Variants in PIK3R5 observed in about 807,000 individuals in gnomAD.
PIK3R5 encodes the protein phosphoinositide 3-kinase regulatory subunit 5.
A neutral mutation model predicts 94.9 loss-of-function variants in PIK3R5; 32 were observed. The observed-to-expected ratio is 0.34, with a 90% confidence interval of 0.25 to 0.45. The LOEUF (loss-of-function observed/expected upper bound fraction) is 0.45, where lower values mean the gene tolerates loss of function less well. PIK3R5 is among the 20% of genes least tolerant of loss of function. The probability of loss-of-function intolerance (pLI) is 1.00; values close to 1 mark genes in which losing one functional copy is unlikely to be tolerated. For synonymous variants in PIK3R5, 443 were observed against 479.4 expected, an observed-to-expected ratio of 0.92 and a Z score of 0.99; for missense variants, 853 against 1,144.6, an observed-to-expected ratio of 0.75 and a Z score of 3.68.
chr17:8,906,037 G>A (rs941309427), intron 3 of PIK3R5, among the ~76,000 whole-genome samples: 5 of 151,968 alleles, frequency 3.3e-5, no homozygotes, highest in South Asian at 4.1e-4. Flanking sequence ...TGTGCAGAAC[G>A]GGCAGGTTTG....
Position 8,955,124 on chromosome 17 carries a change from T to A in PIK3R5, c.-14+10472A>T, listed in dbSNP as rs1567673899. ...AGTTGTGCACAGAAGACCAGTGATATGTCTGGAGGGTCCTTGAGGGGAGGA... is the reference window on the plus strand; with the variant it reads ...AGTTGTGCACAGAAGACCAGTGATAAGTCTGGAGGGTCCTTGAGGGGAGGA... On this transcript the variant is annotated intron_variant, in intron 1 of 18. Coordinates refer to ENST00000447110, the MANE Select transcript of PIK3R5 (RefSeq NM_001142633.3). The surrounding 1 kb of genome is among the most constrained non-coding windows in gnomAD (Gnocchi z 4.4). Among the ~76,000 whole-genome samples the A allele has an allele frequency of 6.6e-6, 1 of 151,984 alleles. No homozygotes were observed. Among genetic ancestry groups the A allele is most frequent in the African/African-American group, 2.4e-5 (1 of 41,366 alleles).
chr17:8,961,421 G>A (rs538433579), intron 1 of PIK3R5, among the ~76,000 whole-genome samples: 2 of 152,294 alleles, frequency 1.3e-5, no homozygotes, highest in Admixed American at 6.5e-5. Flanking sequence ...GAACACCTGC[G>A]GTCTGGAGTT....
In PIK3R5 at chr17:8,925,281, T is replaced by C. The variant is rs1428306834; in HGVS notation, c.-13-13774A>G. Among the ~76,000 whole-genome samples, 13 of 151,312 alleles carry C rather than the reference T, an allele frequency of 8.6e-5. No homozygotes were observed. The highest frequency in any genetic ancestry group is 8.5e-4 in the Admixed American group (13 of 15,228). ...AGATGGTTAGCTAGTAGATGATAGA[T>C]AGTAGATGGATAGATAGATAGATAG... On this transcript the variant is annotated intron_variant, in intron 1 of 18. Coordinates refer to ENST00000447110, the MANE Select transcript of PIK3R5 (RefSeq NM_001142633.3). The surrounding 1 kb of genome is among the most constrained non-coding windows in gnomAD (Gnocchi z 5.1).
chr17:8,949,841 C>G (rs999166189), intron 1 of PIK3R5, among the ~76,000 whole-genome samples: 1 of 152,180 alleles, frequency 6.6e-6, no homozygotes, highest in African/African-American at 2.4e-5. Context: ...TCTCACAAGT[C>G]ACCTCTAAAG....
chr17:8,940,456 C>G (rs2091156887), intron 1 of PIK3R5, among the ~76,000 whole-genome samples: 1 of 152,228 alleles, frequency 6.6e-6, no homozygotes, highest in Non-Finnish European at 1.5e-5. Flanking sequence ...CGAAGGGACG[C>G]CAGCAAACAG....
chr17:8,963,523 CTTCT>C lies in PIK3R5; in HGVS notation c.-14+2069_-14+2072del, dbSNP rs1173133152. Among the ~76,000 whole-genome samples the C allele has an allele frequency of 3.5e-4, 28 of 79,218 alleles. No homozygotes were observed. The South Asian group carries it at 3.9e-3, about 11-fold the overall frequency. 52.0% of individuals were successfully genotyped at this position (79,218 alleles called of 152,430 possible). ...CATCCAACCTATTCTTCTTCTTCTT[CTTCT>C]TTTTTTTTTTTTGTTTGTCTGTTTG... is the stretch of plus-strand genomic sequence containing the variant. On this transcript the variant is annotated intron_variant, in intron 1 of 18. Coordinates refer to ENST00000447110, the MANE Select transcript of PIK3R5 (RefSeq NM_001142633.3).
chr17:8,891,979 T>C (rs2090037481), intron 6 of PIK3R5, among the ~76,000 whole-genome samples: 1 of 152,134 alleles, frequency 6.6e-6, no homozygotes, highest in Non-Finnish European at 1.5e-5. Context: ...TGTTTACAGT[T>C]AACAACGCAC....
intron 1 of PIK3R5, among the ~76,000 whole-genome samples, chr17:8,931,609 ATG>A (rs2090989038): frequency 6.6e-6 from 1 of 152,308 alleles, no homozygotes; most frequent in South Asian, 2.1e-4. Context: ...AACTCTACAA[ATG>A]GCTGGACTGT....
In PIK3R5 at chr17:8,886,461, G is replaced by A. The variant is rs2089861415; in HGVS notation, c.2034+16C>T. 6.3e-7 allele frequency: 1 copy of A among 1,598,454 alleles called. No individual in the cohort carries two copies. The highest frequency in any genetic ancestry group is 8.5e-7 in the Non-Finnish European group (1 of 1,171,386). On this transcript the variant is annotated intron_variant, in intron 13 of 18. Transcript: ENST00000447110. ...GGCAGGTGGGGAAGAGGCGGTTCGG[G>A]GCAGGGAGGCCTTACCTCGGTCTGA...
chr17:8,962,446 C>A (rs77346442), intron 1 of PIK3R5, among the ~76,000 whole-genome samples: 9,903 of 152,220 alleles, frequency 0.065, 438 homozygotes, highest in East Asian at 0.15. Context: ...ACAAAGATTT[C>A]TTTTAAAACA....
At chr17:8,941,681 G>A (rs2091183232) in intron 1 of PIK3R5, among the ~76,000 whole-genome samples, 1 of 152,208 alleles carries the variant, frequency 6.6e-6, no homozygotes, top group African/African-American at 2.4e-5. Context: ...ATGTGGCGGG[G>A]CAGGCGGCAG....
rs773571409 is a variant in PIK3R5, at chr17:8,890,765, G to A, written c.630C>T (p.Asp210=). The A allele has an allele frequency of 4.8e-5, 77 of 1,611,342 alleles. No individual in the cohort carries two copies. Among genetic ancestry groups the A allele is most frequent in the African/African-American group, 6.7e-5 (5 of 74,918 alleles). Residue 210 remains aspartate (D), a synonymous_variant, in exon 7 of 19, where the codon GAC becomes GAT. Coordinates refer to ENST00000447110, the MANE Select transcript of PIK3R5 (RefSeq NM_001142633.3). The surrounding 1 kb of genome is among the most constrained non-coding windows in gnomAD (Gnocchi z 6.1). ...AFQATFGAHC[D]VPGLHCRLQA... ...GTAGCCTGCAGTGCAGGCCCGGGAC[G>A]TCACAGTGGGCCCCAAAGGTGGCCT...
Position 8,882,119 on chromosome 17 carries a change from C to G in PIK3R5, c.2206-238G>C. On this transcript the variant is annotated intron_variant, in intron 15 of 18. Coordinates refer to ENST00000447110, the MANE Select transcript of PIK3R5 (RefSeq NM_001142633.3). The surrounding 1 kb of genome is among the most constrained non-coding windows in gnomAD (Gnocchi z 4.1). Reference sequence around the variant, plus strand: ...GCCTCTGTGACCAGGTTGAAAGGTACAAGAGCTGAGAGCACCTGCAGGGGT... The same window carrying G: ...GCCTCTGTGACCAGGTTGAAAGGTAGAAGAGCTGAGAGCACCTGCAGGGGT... The G allele has an allele frequency of 3.7e-6, 2 of 539,468 alleles. No homozygotes were observed. Among genetic ancestry groups the G allele is most frequent in the South Asian group, 4.3e-5 (2 of 46,472 alleles). 33.4% of individuals were successfully genotyped at this position (539,468 alleles called of 1,614,324 possible). A position where few individuals can be genotyped will look rare whatever the true frequency, so the allele number is the denominator to read the frequency against.
At chr17:8,895,921 C>T (rs1266405538) in intron 5 of PIK3R5, among the ~76,000 whole-genome samples, 1 of 152,110 alleles carries the variant, frequency 6.6e-6, no homozygotes, top group Non-Finnish European at 1.5e-5. Context: ...AAACTCCCGC[C>T]CTCACCCCCA....
rs2089985669 is a variant in PIK3R5, at chr17:8,890,068, A to C, written c.716T>G (p.Leu239Arg). The change falls in exon 8 of 19, where the codon CTG (leucine) becomes CGG (arginine). Residue 239 changes from leucine (L) to arginine (R), a missense_variant. Physicochemically the swap from Leu to Arg is moderately radical, Grantham distance 102. Transcript: ENST00000447110. This position sits in a 1 kb window ranked among gnomAD's most constrained non-coding sequence, Gnocchi z 6.1. ...TGCAGCATCCCCGATGCCAGATGCCAGCTCCTGTGCCTCTGCGGTCTCCGT... is the reference window on the plus strand; with the variant it reads ...TGCAGCATCCCCGATGCCAGATGCCCGCTCCTGTGCCTCTGCGGTCTCCGT... ...IFTETAEAQE[L>R]ASGIGDAAEA... The C allele has an allele frequency of 1.2e-6, 2 of 1,614,022 alleles. No homozygotes were observed. The highest frequency in any genetic ancestry group is 4.5e-5 in the East Asian group (2 of 44,874).
chr17:8,929,384 A>G (rs573530000), intron 1 of PIK3R5, among the ~76,000 whole-genome samples: 45 of 152,342 alleles, frequency 3.0e-4, no homozygotes, highest in African/African-American at 1.0e-3. Flanking sequence ...GCAAGCATTA[A>G]TTAAAAGAAA....
At position 8,879,721 on chromosome 17, in the gene PIK3R5, A is replaced by G. The variant is rs1235208954; in HGVS notation, c.*918T>C. 1 of 152,200 alleles carries G rather than the reference A, an allele frequency of 6.6e-6. No individual in the cohort carries two copies. The highest frequency in any genetic ancestry group is 1.5e-5 in the Non-Finnish European group (1 of 68,030). 9.4% of individuals were successfully genotyped at this position (152,200 alleles called of 1,614,324 possible). ...GCAATGAGAGTATCCCAGTGACTCC[A>G]AACAGGAGGAATCAGTGTTCAGAAA... is the stretch of plus-strand genomic sequence containing the variant. On this transcript the variant is annotated 3_prime_UTR_variant, in exon 19 of 19. Coordinates refer to ENST00000447110, the MANE Select transcript of PIK3R5 (RefSeq NM_001142633.3). The surrounding 1 kb of genome is among the most constrained non-coding windows in gnomAD (Gnocchi z 4.4).
rs963095860 is a variant in PIK3R5 at position 8,916,517 on chromosome 17, T to C, written c.-13-5010A>G. Reference sequence around the variant, plus strand: ...CCCCCGCCACCAATTCCCCTGCCAGTGGTGAGGTGGTGTTGAAATATCCAA... The same window carrying C: ...CCCCCGCCACCAATTCCCCTGCCAGCGGTGAGGTGGTGTTGAAATATCCAA... On this transcript the variant is annotated intron_variant, in intron 1 of 18. Transcript: ENST00000447110. 7.9e-5 allele frequency: 6 copies of C among 76,030 alleles called. 1 individual carries two copies. The highest frequency in any genetic ancestry group is 3.3e-4 in the African/African-American group (6 of 17,976). The allele number at this position is 76,030 out of a possible 1,614,324, so 4.7% of individuals were successfully genotyped here.
At position 8,952,091 on chromosome 17, in the gene PIK3R5, T is replaced by C. The variant is rs557134684; in HGVS notation, c.-14+13505A>G. On this transcript the variant is annotated intron_variant, in intron 1 of 18. Coordinates refer to ENST00000447110, the MANE Select transcript of PIK3R5 (RefSeq NM_001142633.3). ...TGGACCATGAGATGAGAGCTACATG[T>C]TGAAGAAGGCAGAGCAATGACACAA... Among the ~76,000 whole-genome samples, 177 of 152,378 alleles carry C rather than the reference T, an allele frequency of 1.2e-3. 1 individual carries two copies. Among genetic ancestry groups the C allele is most frequent in the Non-Finnish European group, 2.1e-3 (144 of 68,040 alleles).
Sources: allele counts gnomAD v4.1 joint callset (sites outside exome capture counted in the v4.1 genomes callset), GRCh38; gene constraint gnomAD v4.1.1; non-coding constraint Gnocchi (gnomAD v3.1); transcripts MANE v1.5; gene names NCBI Gene and HGNC (gene_info 2026-07-23, HGNC 2026-07-21).